Variants in DPYSL3 observed in about 807,000 individuals in gnomAD.
The protein encoded by DPYSL3 is dihydropyrimidinase-related protein 3.
A neutral mutation model predicts 66.1 loss-of-function variants in DPYSL3; 16 were observed. That is an observed-to-expected ratio of 0.24 (90% CI 0.16 to 0.37). The LOEUF is 0.37. DPYSL3 is among the 10% of genes least tolerant of loss of function. The probability of loss-of-function intolerance (pLI) is 1.00; values close to 1 mark genes in which losing one functional copy is unlikely to be tolerated. For synonymous variants in DPYSL3, 338 were observed against 345.1 expected (o/e 0.98, Z 0.23); for missense variants, 738 against 916.2 (o/e 0.81, Z 2.51).
intron 1 of DPYSL3, among the ~76,000 whole-genome samples, chr5:147,470,365 G>A (rs1346744633): frequency 1.3e-5 from 2 of 152,084 alleles, no homozygotes; most frequent in Non-Finnish European, 2.9e-5. Flanking sequence ...CCGGTGCTCT[G>A]TAGCTCAGCT....
intron 1 of DPYSL3, among the ~76,000 whole-genome samples, chr5:147,442,178 A>G (rs998884190): frequency 2.0e-5 from 3 of 152,270 alleles, no homozygotes; most frequent in African/African-American, 7.2e-5. Flanking sequence ...ACAAACACAC[A>G]TACACACAGA....
chr5:147,437,491 C>G (rs938677655), intron 1 of DPYSL3, among the ~76,000 whole-genome samples: 1 of 152,184 alleles, frequency 6.6e-6, no homozygotes, highest in Non-Finnish European at 1.5e-5. Context: ...AAGCACACAA[C>G]CACTGGCTTA....
chr5:147,425,833 AAT>A (rs1752185039), intron 1 of DPYSL3, among the ~76,000 whole-genome samples: 1 of 152,218 alleles, frequency 6.6e-6, no homozygotes, highest in African/African-American at 2.4e-5. Context: ...AGTTTCATTA[AAT>A]GAATGGAGCT....
intron 1 of DPYSL3, among the ~76,000 whole-genome samples, chr5:147,507,990 T>G (rs1364181212): frequency 1.3e-5 from 2 of 152,214 alleles, no homozygotes; most frequent in Non-Finnish European, 2.9e-5. Flanking sequence ...CATTTCAATA[T>G]GGACAAGTCA....
intron 13 of DPYSL3, among the ~76,000 whole-genome samples, chr5:147,394,647 G>A (rs1367259192): frequency 6.6e-6 from 1 of 151,326 alleles, no homozygotes; most frequent in Non-Finnish European, 1.5e-5. Flanking sequence ...GCCTCTAAAA[G>A]CTTAAGAATT....
intron 10 of DPYSL3, among the ~76,000 whole-genome samples, chr5:147,400,231 C>T (rs1758130893): frequency 1.3e-5 from 2 of 152,210 alleles, no homozygotes; most frequent in South Asian, 4.1e-4. Context: ...CATTTAGAGA[C>T]AATCACTTGT....
chr5:147,394,177 G>C, intron 13 of DPYSL3, 54 bp from the exon 14 acceptor site: 1 of 1,573,980 alleles, frequency 6.4e-7, no homozygotes, highest in South Asian at 1.1e-5. Context: ...TGGCGGGTAG[G>C]GGGATGTGGG....
chr5:147,451,348 A>C (rs1752724368), intron 1 of DPYSL3, among the ~76,000 whole-genome samples: 1 of 152,242 alleles, frequency 6.6e-6, no homozygotes, highest in Non-Finnish European at 1.5e-5. Flanking sequence ...GCTGCTATGC[A>C]GCACCACGCC....
rs145873063 is a variant in DPYSL3 at position 147,465,267 on chromosome 5, A to C, written c.382-40304T>G. On this transcript the variant is annotated intron_variant, in intron 1 of 13. Coordinates refer to ENST00000343218, the MANE Select transcript of DPYSL3 (RefSeq NM_001197294.2). The stretch of plus-strand genomic sequence containing the variant: ...GAGGAAGTGAATCTGAGCTATATGA[A>C]GAGTGGTCTGTAGTAGACACTTGGT... 9.3e-4 allele frequency among the ~76,000 whole-genome samples: 142 copies of C among 152,310 alleles called. 1 individual carries two copies. Among genetic ancestry groups the C allele is most frequent in the African/African-American group, 3.3e-3 (137 of 41,572 alleles).
rs2241696 is a variant in DPYSL3 at position 147,424,803 on chromosome 5, C to T, written c.470+72G>A. The T allele has an allele frequency of 0.024, 28,907 of 1,197,114 alleles. 2,795 individuals are homozygous for T. The African/African-American group carries it at 0.26, about 11-fold the overall frequency. 74.2% of individuals were successfully genotyped at this position (1,197,114 alleles called of 1,614,324 possible). A position where few individuals can be genotyped will look rare whatever the true frequency, so the allele number is the denominator to read the frequency against. On this transcript the variant is annotated intron_variant, in intron 2 of 13. Coordinates refer to ENST00000343218, the MANE Select transcript of DPYSL3 (RefSeq NM_001197294.2). The stretch of plus-strand genomic sequence containing the variant: ...ATTTTTTTCACTACATTCATGTAAT[C>T]CAACCTCCTTTATGAGCCATTAATG...
rs1039611279 is a variant in DPYSL3, at chr5:147,393,968, C to T, written c.*67G>A. The T allele has an allele frequency of 2.0e-5, 30 of 1,482,618 alleles. No individual in the cohort carries two copies. The highest frequency in any genetic ancestry group is 8.0e-5 in the South Asian group (7 of 87,622). The allele number at this position is 1,482,618 out of a possible 1,614,324, so 91.8% of individuals were successfully genotyped here. ...TGGATTCGCTTTCCTTCTTAAATAT[C>T]GGTGTACCATTTTGGCTTCAAAACA... On this transcript the variant is annotated 3_prime_UTR_variant, in exon 14 of 14. Coordinates refer to ENST00000343218, the MANE Select transcript of DPYSL3 (RefSeq NM_001197294.2).
intron 1 of DPYSL3, chr5:147,453,490 C>A: frequency 1.3e-6 from 2 of 1,502,198 alleles, no homozygotes; most frequent in Non-Finnish European, 1.8e-6. Context: ...CGACCCCGCC[C>A]GCAGCGCAGC....
At chr5:147,448,581 T>C (rs890022634) in intron 1 of DPYSL3, among the ~76,000 whole-genome samples, 9 of 152,256 alleles carry the variant, frequency 5.9e-5, no homozygotes, top group African/African-American at 2.2e-4. Flanking sequence ...ATCTGCTCTC[T>C]TGAACACATC....
At chr5:147,430,749 A>C (rs113652235) in intron 1 of DPYSL3, among the ~76,000 whole-genome samples, 1 of 152,204 alleles carries the variant, frequency 6.6e-6, no homozygotes, top group African/African-American at 2.4e-5. Context: ...TCTTCAACTT[A>C]GAGAACATAA....
At chr5:147,423,336 T>TTTAC (rs149716208) in intron 2 of DPYSL3, among the ~76,000 whole-genome samples, 16 of 152,212 alleles carry the variant, frequency 1.1e-4, no homozygotes, top group African/African-American at 1.9e-4. Context: ...CATTCATTCA[T>TTTAC]TCACTCACTC....
intron 1 of DPYSL3, among the ~76,000 whole-genome samples, chr5:147,504,668 T>TGGTAAAAA (rs1383651983): frequency 6.6e-6 from 1 of 152,094 alleles, no homozygotes; most frequent in Non-Finnish European, 1.5e-5. Context: ...AAATGACAAA[T>TGGTAAAAA]GGTAAAAAGG....
intron 10 of DPYSL3, among the ~76,000 whole-genome samples, chr5:147,400,109 T>G (rs1758127958): frequency 6.6e-6 from 1 of 152,220 alleles, no homozygotes; most frequent in Non-Finnish European, 1.5e-5. Context: ...AATAATGAGA[T>G]AATTATTGAT....
At chr5:147,500,136 C>T (rs1474751058) in intron 1 of DPYSL3, among the ~76,000 whole-genome samples, 2 of 152,110 alleles carry the variant, frequency 1.3e-5, no homozygotes, top group East Asian at 3.9e-4. Flanking sequence ...TTAGATACAA[C>T]ATCAATAGCA....
intron 8 of DPYSL3, among the ~76,000 whole-genome samples, chr5:147,402,692 T>C (rs1355222915): frequency 2.6e-5 from 4 of 152,104 alleles, no homozygotes; most frequent in Non-Finnish European, 5.9e-5. Flanking sequence ...ACATGATGAC[T>C]TGGTAAAAGT....
Sources: gnomAD v4.1 joint callset for allele counts (sites outside exome capture counted in the v4.1 genomes callset) on GRCh38, gnomAD v4.1.1 for gene constraint, MANE v1.5 for transcripts, NCBI Gene and HGNC (gene_info 2026-07-23, HGNC 2026-07-21) for gene names.